PPP1R12A: variants seen among roughly 807,000 people sequenced by gnomAD.
PPP1R12A encodes myosin binding subunit.
In PPP1R12A, 19 loss-of-function variants were observed where a neutral mutation model predicts 139.6. That is an observed-to-expected ratio of 0.14 (90% CI 0.09 to 0.20). PPP1R12A has a LOEUF of 0.20. Among genes scored for constraint, PPP1R12A ranks in the 10% least tolerant of loss-of-function variants. The pLI is 1.00. For synonymous variants in PPP1R12A, 427 were observed against 420.6 expected (o/e 1.02, Z -0.19); for missense variants, 925 against 1,211.5 (o/e 0.76, Z 3.51).
At chr12:79,923,282 A>C (rs1255892091) in intron 1 of PPP1R12A, among the ~76,000 whole-genome samples, 1 of 152,154 alleles carries the variant, frequency 6.6e-6, no homozygotes, top group Non-Finnish European at 1.5e-5. Flanking sequence ...TCAAAAAAAT[A>C]AATAAATAAA....
At chr12:79,879,820 T>G (rs1407683223) in intron 1 of PPP1R12A, among the ~76,000 whole-genome samples, 2 of 151,960 alleles carry the variant, frequency 1.3e-5, no homozygotes, top group African/African-American at 4.8e-5. Context: ...CTGAATTGTA[T>G]ACTTAAGAGT....
intron 1 of PPP1R12A, among the ~76,000 whole-genome samples, chr12:79,932,698 T>G (rs534235660): frequency 6.6e-6 from 1 of 152,188 alleles, no homozygotes; most frequent in Admixed American, 6.5e-5. Context: ...AAGACATTGG[T>G]AAGTCTGACA....
At chr12:79,922,087 C>T (rs1887481458) in intron 1 of PPP1R12A, among the ~76,000 whole-genome samples, 1 of 152,080 alleles carries the variant, frequency 6.6e-6, no homozygotes, top group African/African-American at 2.4e-5. Context: ...CTTGTCTCTA[C>T]TACTAATAAT....
chr12:79,813,994 G>A (rs1874929537), intron 9 of PPP1R12A, among the ~76,000 whole-genome samples: 2 of 152,098 alleles, frequency 1.3e-5, no homozygotes, highest in Non-Finnish European at 1.5e-5. Flanking sequence ...CCTAAAAACA[G>A]ATAATTGCAA....
intron 1 of PPP1R12A, among the ~76,000 whole-genome samples, chr12:79,908,534 A>G (rs926997218): frequency 1.6e-4 from 24 of 152,346 alleles, no homozygotes; most frequent in African/African-American, 5.8e-4. Context: ...AACAAACAAG[A>G]TTTCAGTAAT....
intron 2 of PPP1R12A, among the ~76,000 whole-genome samples, chr12:79,870,146 T>C (rs577669875): frequency 6.6e-6 from 1 of 152,252 alleles, no homozygotes; most frequent in East Asian, 1.9e-4. Context: ...TCACCTAGGC[T>C]TAAGTGCAAT....
chr12:79,776,187 G>A (rs1285300321), intron 24 of PPP1R12A, among the ~76,000 whole-genome samples, 172 bp from the exon 25 acceptor site: 1 of 151,938 alleles, frequency 6.6e-6, no homozygotes, highest in Non-Finnish European at 1.5e-5. Context: ...ACCACACCTG[G>A]ATTTGTAAAG....
chr12:79,828,095 A>T, intron 5 of PPP1R12A: 1 of 304,074 alleles, frequency 3.3e-6, no homozygotes, highest in Non-Finnish European at 5.9e-6. Context: ...AAAGAGCAAT[A>T]CTTCTTTCTT....
intron 1 of PPP1R12A, among the ~76,000 whole-genome samples, chr12:79,912,441 C>G (rs1886648596): frequency 6.6e-6 from 1 of 152,052 alleles, no homozygotes; most frequent in Admixed American, 6.6e-5. Flanking sequence ...CTGGTAATCC[C>G]CACACTTTGG....
Position 79,796,907 on chromosome 12 carries a change from G to C in PPP1R12A, c.2336C>G (p.Thr779Ser). Residue 779 changes from threonine (T) to serine (S), a missense_variant, in exon 17 of 25, where the codon ACT (threonine) becomes AGT (serine). Thr to Ser is a moderately conservative substitution (Grantham distance 58). Coordinates refer to ENST00000450142, the MANE Select transcript of PPP1R12A (RefSeq NM_002480.3). ...CATAGTAGAAAGTGAAGAGGATGGAGTGGTTGAACTTGAAGTTGATACTGG... is the reference window on the plus strand; with the variant it reads ...CATAGTAGAAAGTGAAGAGGATGGACTGGTTGAACTTGAAGTTGATACTGG... Reference protein sequence around the residue: ...YRPVSTSSSTTPSSSLSTMSS... With the variant: ...YRPVSTSSSTSPSSSLSTMSS... 6.2e-7 allele frequency: 1 copy of C among 1,612,762 alleles called. No individual in the cohort carries two copies. The highest frequency in any genetic ancestry group is 8.5e-7 in the Non-Finnish European group (1 of 1,179,160).
chr12:79,934,585 G>T, intron 1 of PPP1R12A, 110 bp downstream of exon 1: 1 of 1,032,298 alleles, frequency 9.7e-7, no homozygotes, highest in Non-Finnish European at 1.3e-6. Flanking sequence ...CCGCAGCAGG[G>T]AGTCTCCCGC....
At chr12:79,860,938 G>A (rs1271343929) in intron 2 of PPP1R12A, among the ~76,000 whole-genome samples, 3 of 152,076 alleles carry the variant, frequency 2.0e-5, no homozygotes, top group African/African-American at 2.4e-5. Context: ...TAGTAATTAC[G>A]TGTTACTTTA....
intron 20 of PPP1R12A, chr12:79,789,766 A>G: frequency 2.6e-6 from 1 of 378,964 alleles, no homozygotes; most frequent in Non-Finnish European, 5.0e-6. Context: ...GATAATTTTG[A>G]ATTAGGTGAC....
At chr12:79,916,527 C>A (rs1887009797) in intron 1 of PPP1R12A, among the ~76,000 whole-genome samples, 1 of 152,156 alleles carries the variant, frequency 6.6e-6, no homozygotes, top group South Asian at 2.1e-4. Flanking sequence ...CAAATTTTAT[C>A]CTTTAAAACC....
intron 22 of PPP1R12A, chr12:79,782,220 T>TA (rs1870542536): frequency 5.8e-6 from 1 of 173,102 alleles, no homozygotes; most frequent in African/African-American, 2.4e-5. Flanking sequence ...CAGGAGTGGC[T>TA]AATCAGAATG....
At chr12:79,932,309 T>C (rs182131316) in intron 1 of PPP1R12A, among the ~76,000 whole-genome samples, 5 of 152,306 alleles carry the variant, frequency 3.3e-5, no homozygotes, top group East Asian at 3.9e-4. Context: ...ATTTTATTTA[T>C]TGTCTTTCAC....
rs17005989 is a variant in PPP1R12A at position 79,817,051 on chromosome 12, G to A, written c.1239+343C>T. Among the ~76,000 whole-genome samples, 1,303 of 151,226 alleles carry A rather than the reference G, an allele frequency of 8.6e-3. 18 individuals carry two copies. Among genetic ancestry groups the A allele is most frequent in the African/African-American group, 0.029 (1,202 of 40,970 alleles). ...TAGAGATAAAGGATATAAAACCTGA[G>A]CTTCTCAAAATAAAAGTTCAATAGA... On this transcript the variant is annotated intron_variant, in intron 9 of 24. Transcript: ENST00000450142.
At chr12:79,835,429 C>A (rs981596887) in intron 3 of PPP1R12A, among the ~76,000 whole-genome samples, 2 of 152,156 alleles carry the variant, frequency 1.3e-5, no homozygotes, top group Non-Finnish European at 2.9e-5. Flanking sequence ...GTATATCCTA[C>A]AGGTTCTGTC....
chr12:79,916,046 T>C (rs970043729), intron 1 of PPP1R12A, among the ~76,000 whole-genome samples: 23 of 137,430 alleles, frequency 1.7e-4, no homozygotes, highest in African/African-American at 4.3e-4. Context: ...AAAACTCAAA[T>C]TGACATCTAG....
Sources: gnomAD v4.1 joint callset for allele counts (sites outside exome capture counted in the v4.1 genomes callset) on GRCh38, gnomAD v4.1.1 for gene constraint, MANE v1.5 for transcripts, NCBI Gene and HGNC (gene_info 2026-07-23, HGNC 2026-07-21) for gene names.